Variants in CUL9 observed in about 807,000 individuals in gnomAD.
CUL9 encodes cullin 9.
In CUL9, 79 loss-of-function variants were observed where a neutral mutation model predicts 272.6. The observed-to-expected ratio is 0.29, with a 90% CI of 0.24 to 0.35. CUL9 has a LOEUF of 0.35. Among genes scored for constraint, CUL9 ranks in the 10% least tolerant of loss-of-function variants. The pLI is 1.00. For synonymous variants in CUL9, 1,186 were observed against 1,286.5 expected (o/e 0.92, Z 1.67); for missense variants, 2,532 against 3,255.6 (o/e 0.78, Z 5.41).
rs775905569 is a variant in CUL9, at chr6:43,206,544, G to A, written c.5212+34G>A. ...CTAGGGAGAGGAAATTGGAGATCGG[G>A]GTGAGATTCGGGGTGGCAAGAGAGG... is the stretch of plus-strand genomic sequence containing the variant. On this transcript the variant is annotated intron_variant, in intron 26 of 40. Coordinates refer to ENST00000252050, the MANE Select transcript of CUL9 (RefSeq NM_015089.4). The surrounding 1 kb of genome is among the most constrained non-coding windows in gnomAD (Gnocchi z 4.8). 1.9e-6 allele frequency: 3 copies of A among 1,603,914 alleles called. No homozygotes were observed. In the South Asian group the frequency reaches 3.3e-5, roughly 18 times the overall value.
chr6:43,203,715 G>A lies in CUL9; in HGVS notation c.4025+123G>A, dbSNP rs1392074766. The A allele has an allele frequency of 5.3e-6, 8 of 1,505,760 alleles. No homozygotes were observed. Among genetic ancestry groups the A allele is most frequent in the African/African-American group, 2.8e-5 (2 of 72,208 alleles). The allele number at this position is 1,505,760 out of a possible 1,614,324, so 93.3% of individuals were successfully genotyped here. On this transcript the variant is annotated intron_variant, in intron 19 of 40. Transcript: ENST00000252050. The surrounding 1 kb of genome is among the most constrained non-coding windows in gnomAD (Gnocchi z 5.0). Reference sequence around the variant, plus strand: ...CCAGGACATGAGGGGGAAGGTGAACGTAGGTGAGAAGTTTGTGTTAATTGG... The same window carrying A: ...CCAGGACATGAGGGGGAAGGTGAACATAGGTGAGAAGTTTGTGTTAATTGG...
chr6:43,222,796 C>T lies in CUL9; in HGVS notation c.7050C>T (p.Cys2350=), dbSNP rs957658329. The change falls in exon 38 of 41, where the codon TGC becomes TGT. Residue 2350 remains cysteine, a synonymous_variant. Transcript: ENST00000252050. The part of the protein sequence containing the change: ...EQARKVLAYA[C]VYSFYSQDAE... The stretch of plus-strand genomic sequence containing the variant: ...CCCTGCAGGTGCTGGCCTACGCCTG[C>T]GTGTACAGCTTCTACAGCCAGGACG... The T allele has an allele frequency of 6.8e-6, 11 of 1,613,854 alleles. No individual in the cohort carries two copies. Among genetic ancestry groups the T allele is most frequent in the Admixed American group, 1.7e-5 (1 of 59,994 alleles).
intron 1 of CUL9, among the ~76,000 whole-genome samples, chr6:43,183,954 T>C (rs955955550): frequency 2.0e-5 from 3 of 152,136 alleles, no homozygotes; most frequent in Non-Finnish European, 2.9e-5. Context: ...GGTTTCACTA[T>C]GTTGACCAGG....
chr6:43,204,693 T>A (rs766343531), intron 21 of CUL9, 55 bp from the exon 22 acceptor site: 58 of 1,600,624 alleles, frequency 3.6e-5, no homozygotes, highest in Non-Finnish European at 4.8e-5. Context: ...CCAAGACCGG[T>A]GTACTCACCC....
In CUL9 at chr6:43,218,697, C is replaced by T. The variant is rs1048255738; in HGVS notation, c.6283-1762C>T. Reference sequence around the variant, plus strand: ...GGGACACATTTGGAAGTGGAGCTGACGGGAGTTGGTGGGTTAAATGTAGGG... The same window carrying T: ...GGGACACATTTGGAAGTGGAGCTGATGGGAGTTGGTGGGTTAAATGTAGGG... On this transcript the variant is annotated intron_variant, in intron 31 of 40. Coordinates refer to ENST00000252050, the MANE Select transcript of CUL9 (RefSeq NM_015089.4). The surrounding 1 kb of genome is among the most constrained non-coding windows in gnomAD (Gnocchi z 4.4). 1.2e-4 allele frequency among the ~76,000 whole-genome samples: 19 copies of T among 152,140 alleles called. No homozygotes were observed. The highest frequency in any genetic ancestry group is 4.3e-4 in the African/African-American group (18 of 41,528).
rs1216911096 is a variant in CUL9, at chr6:43,216,140, CT to C, written c.5937-17del. 1 of 1,592,514 alleles carries C rather than the reference CT, an allele frequency of 6.3e-7. No individual in the cohort carries two copies. Among genetic ancestry groups the C allele is most frequent in the South Asian group, 1.1e-5 (1 of 89,668 alleles). ...GCAGGGCAGGAATACTGACTTCTGT[CT>C]CTTCCCTCCCCACAAGCCCAGAAGC... On this transcript the variant is annotated splice_polypyrimidine_tract_variant and intron_variant, in intron 30 of 40. Coordinates refer to ENST00000252050, the MANE Select transcript of CUL9 (RefSeq NM_015089.4).
chr6:43,192,823 C>T (rs1241568512), intron 8 of CUL9, among the ~76,000 whole-genome samples, 178 bp from the exon 9 acceptor site: 3 of 152,132 alleles, frequency 2.0e-5, no homozygotes, highest in Admixed American at 1.3e-4. Flanking sequence ...GGCAGTTAGG[C>T]TGCAGAGGGG....
chr6:43,220,949 T>G lies in CUL9; in HGVS notation c.6588+38T>G, dbSNP rs1414531429. The G allele has an allele frequency of 1.9e-6, 3 of 1,555,258 alleles. No homozygotes were observed. The African/African-American group carries it at 4.1e-5, about 21-fold the overall frequency. ...CACTGGCCCTGACCCTGAGCAAGGATTCACACTCCTTCCCTGCTTAATATC... is the reference window on the plus strand; with the variant it reads ...CACTGGCCCTGACCCTGAGCAAGGAGTCACACTCCTTCCCTGCTTAATATC... On this transcript the variant is annotated intron_variant, in intron 33 of 40. Coordinates refer to ENST00000252050, the MANE Select transcript of CUL9 (RefSeq NM_015089.4). This position sits in a 1 kb window ranked among gnomAD's most constrained non-coding sequence, Gnocchi z 4.9.
Position 43,204,462 on chromosome 6 carries a change from G to T in CUL9, c.4262G>T (p.Arg1421Leu). Residue 1421 changes from arginine (R) to leucine (L), a missense_variant, in exon 21 of 41, where the codon CGA becomes CTA. Physicochemically the swap from Arg to Leu is moderately radical, Grantham distance 102. Coordinates refer to ENST00000252050, the MANE Select transcript of CUL9 (RefSeq NM_015089.4). Reference protein sequence around the residue: ...PLSRAASFASRVRRLCHLLVH... With the variant: ...PLSRAASFASLVRRLCHLLVH... ...AGTCGAGCAGCGTCCTTTGCTTCTC[G>T]AGTTCGTCGCCTTTGCCACTTGCTG... is the stretch of plus-strand genomic sequence containing the variant. The T allele has an allele frequency of 1.1e-5, 17 of 1,614,160 alleles. No homozygotes were observed. Among genetic ancestry groups the T allele is most frequent in the Non-Finnish European group, 1.4e-5 (17 of 1,180,028 alleles).
intron 3 of CUL9, 77 bp from the exon 4 acceptor site, chr6:43,185,878 A>G: frequency 1.3e-6 from 2 of 1,509,448 alleles, no homozygotes; most frequent in Non-Finnish European, 1.8e-6. Context: ...ATTTTTCTGT[A>G]GAGGAGGATA....
chr6:43,184,985 C>T lies in CUL9; in HGVS notation c.595+80C>T, dbSNP rs41274930. ...ATAAGAAAGAGGAGAGATTTCCTAGCTCTGTAAGAACACCTAGTATTTGGT... is the reference window on the plus strand; with the variant it reads ...ATAAGAAAGAGGAGAGATTTCCTAGTTCTGTAAGAACACCTAGTATTTGGT... On this transcript the variant is annotated intron_variant, in intron 2 of 40. Transcript: ENST00000252050. The surrounding 1 kb of genome is among the most constrained non-coding windows in gnomAD (Gnocchi z 4.8). 83,255 of 1,074,852 alleles carry T rather than the reference C, an allele frequency of 0.077. 6,401 individuals carry two copies. Among genetic ancestry groups the T allele is most frequent in the East Asian group, 0.36 (13,709 of 38,482 alleles). 66.6% of individuals were successfully genotyped at this position (1,074,852 alleles called of 1,614,324 possible). A position where few individuals can be genotyped will look rare whatever the true frequency, so the allele number is the denominator to read the frequency against.
chr6:43,192,927 C>A (rs1023532452), intron 8 of CUL9, 74 bp from the exon 9 acceptor site: 31 of 1,351,254 alleles, frequency 2.3e-5, no homozygotes, highest in Non-Finnish European at 3.3e-5. Context: ...GTCAGGGAGT[C>A]CGACGGTGCC....
intron 8 of CUL9, among the ~76,000 whole-genome samples, chr6:43,189,810 AG>A (rs770329000): frequency 1.3e-5 from 2 of 152,242 alleles, no homozygotes; most frequent in Non-Finnish European, 2.9e-5. Flanking sequence ...CTGGGATTAC[AG>A]GTGTGAGCCA....
Position 43,185,462 on chromosome 6 carries a change from G to C in CUL9, c.602G>C (p.Arg201Pro), listed in dbSNP as rs978434790. Residue 201 changes from arginine to proline, a missense_variant, in exon 3 of 41, where the codon CGG (arginine) becomes CCG (proline). By Grantham distance (103) the Arg-to-Pro change is moderately radical. Transcript: ENST00000252050. ...QALAAHDAGSRAHVLLSLSQQ... is the reference protein window; with the variant it reads ...QALAAHDAGSPAHVLLSLSQQ... Reference sequence around the variant, plus strand: ...GATTGGGTATGGATTACAGGGAGTCGGGCTCACGTCCTTCTATCACTGAGC... The same window carrying C: ...GATTGGGTATGGATTACAGGGAGTCCGGCTCACGTCCTTCTATCACTGAGC... The C allele has an allele frequency of 6.2e-7, 1 of 1,613,322 alleles. No homozygotes were observed. The highest frequency in any genetic ancestry group is 2.2e-5 in the East Asian group (1 of 44,900).
In CUL9 at chr6:43,213,576, T is replaced by C. The variant is rs776954485; in HGVS notation, c.5488+9T>C. On this transcript the variant is annotated intron_variant, in intron 28 of 40. Coordinates refer to ENST00000252050, the MANE Select transcript of CUL9 (RefSeq NM_015089.4). This position sits in a 1 kb window ranked among gnomAD's most constrained non-coding sequence, Gnocchi z 5.7. ...GGACTTTCCACACGGGGGTAGGTCA[T>C]TGGGGGCCGGGCTGAGCCTCTGCTG... The C allele has an allele frequency of 2.4e-5, 37 of 1,560,678 alleles. No individual in the cohort carries two copies. The highest frequency in any genetic ancestry group is 8.9e-5 in the Admixed American group (5 of 56,488).
At chr6:43,191,442 G>C (rs1176709080) in intron 8 of CUL9, among the ~76,000 whole-genome samples, 1 of 144,760 alleles carries the variant, frequency 6.9e-6, no homozygotes, top group Admixed American at 7.0e-5. Flanking sequence ...ATCCTCCCAA[G>C]TATCTGGGAC....
In CUL9 at chr6:43,186,048, G is replaced by A. The variant is rs148687309; in HGVS notation, c.844G>A (p.Gly282Arg). ...QLNSSPELGA[G>R]DQSSPCATRE... is the part of the protein sequence containing the mutation. ...GAATAGCAGTCCAGAGCTGGGAGCT[G>A]GAGACCAAAGCTCCCCATGTGCCAC... The change falls in exon 4 of 41, where the codon GGA becomes AGA. Residue 282 changes from glycine to arginine, a missense_variant. Physicochemically the swap from Gly to Arg is moderately radical, Grantham distance 125. This residue lies in a region of CUL9 where 2,218 missense variants were observed against 2,788.6 expected (regional missense o/e 0.80). Transcript: ENST00000252050. 6.7e-5 allele frequency: 108 copies of A among 1,614,250 alleles called. No homozygotes were observed. In the African/African-American group the frequency reaches 1.1e-3, roughly 16 times the overall value.
rs1009078268 is a variant in CUL9, at chr6:43,222,062, G to C, written c.6847-254G>C. Reference sequence around the variant, plus strand: ...AGGCAGCAGGGCAGAGCAGGAAAGAGCAGGGACCCTGCATTTAGAGCCTGG... The same window carrying C: ...AGGCAGCAGGGCAGAGCAGGAAAGACCAGGGACCCTGCATTTAGAGCCTGG... On this transcript the variant is annotated intron_variant, in intron 35 of 40. Transcript: ENST00000252050. The C allele has an allele frequency of 1.2e-5, 7 of 599,448 alleles. No individual in the cohort carries two copies. The Admixed American group carries it at 1.5e-4, about 13-fold the overall frequency. 37.1% of individuals were successfully genotyped at this position (599,448 alleles called of 1,614,324 possible). A position where few individuals can be genotyped will look rare whatever the true frequency, so the allele number is the denominator to read the frequency against.
At chr6:43,189,158 C>T (rs1396780524) in intron 8 of CUL9, among the ~76,000 whole-genome samples, 1 of 149,434 alleles carries the variant, frequency 6.7e-6, no homozygotes, top group Non-Finnish European at 1.5e-5. Context: ...TCACATTAGA[C>T]CTTAAAACCT....
Sources: gnomAD v4.1 joint callset for allele counts (sites outside exome capture counted in the v4.1 genomes callset) on GRCh38, gnomAD v4.1.1 for gene constraint, gnomAD v4.1.1 regional missense constraint, Gnocchi (gnomAD v3.1) non-coding constraint, MANE v1.5 for transcripts, NCBI Gene and HGNC (gene_info 2026-07-23, HGNC 2026-07-21) for gene names.